HELZ: variants seen among roughly 807,000 people sequenced by gnomAD.
HELZ encodes helicase with zinc finger, also known as ATP-dependent RNA helicase with zinc finger domain.
HELZ carries 23 observed loss-of-function variants against 218.2 expected under a neutral mutation model. The observed-to-expected ratio is 0.11, with a 90% CI of 0.08 to 0.15. The LOEUF (loss-of-function observed/expected upper bound fraction) is 0.15, where lower values mean the gene tolerates loss of function less well. HELZ is among the 10% of genes least tolerant of loss of function. HELZ has a pLI of 1.00. For synonymous variants in HELZ, 814 were observed against 829.4 expected, an observed-to-expected ratio of 0.98 and a Z score of 0.32; for missense variants, 1,813 against 2,353.7, an observed-to-expected ratio of 0.77 and a Z score of 4.75.
At chr17:67,174,863 A>C (rs1418284898) in intron 13 of HELZ, among the ~76,000 whole-genome samples, 1 of 152,164 alleles carries the variant, frequency 6.6e-6, no homozygotes, top group Non-Finnish European at 1.5e-5. Context: ...GGACTCATAC[A>C]TTCTCGGGAC....
chr17:67,161,303 C>T (rs182569910), intron 15 of HELZ, among the ~76,000 whole-genome samples: 3 of 152,150 alleles, frequency 2.0e-5, no homozygotes, highest in East Asian at 1.9e-4. Flanking sequence ...TCCTACACTA[C>T]GTACAAAAAG....
chr17:67,118,116 C>G (rs2037485365), intron 27 of HELZ, among the ~76,000 whole-genome samples: 1 of 152,170 alleles, frequency 6.6e-6, no homozygotes, highest in South Asian at 2.1e-4. Flanking sequence ...ACTTACACTA[C>G]CTGACTTAAA....
intron 7 of HELZ, chr17:67,200,863 A>G (rs2040150227): frequency 8.0e-6 from 3 of 376,382 alleles, no homozygotes; most frequent in Admixed American, 4.1e-5. Context: ...TTTGTTGTCC[A>G]GAGACAGCTA....
At chr17:67,104,810 T>C (rs763433808) in intron 31 of HELZ, among the ~76,000 whole-genome samples, 1 of 151,950 alleles carries the variant, frequency 6.6e-6, no homozygotes, top group Non-Finnish European at 1.5e-5. Flanking sequence ...CATCAGTAAA[T>C]AGGGAAATGC....
At chr17:67,155,943 A>G (rs2144081187) in intron 17 of HELZ, among the ~76,000 whole-genome samples, 1 of 149,838 alleles carries the variant, frequency 6.7e-6, no homozygotes, top group East Asian at 1.9e-4. Context: ...TATATTATAC[A>G]TATATACACA....
chr17:67,180,886 A>C (rs1404456795), intron 12 of HELZ, among the ~76,000 whole-genome samples: 1 of 150,610 alleles, frequency 6.6e-6, no homozygotes, highest in Non-Finnish European at 1.5e-5. Context: ...TCAAAAAAAA[A>C]AAAAAAAAAA....
chr17:67,199,995 T>C (rs1026871889), intron 7 of HELZ, among the ~76,000 whole-genome samples: 1 of 152,174 alleles, frequency 6.6e-6, no homozygotes, highest in Non-Finnish European at 1.5e-5. Context: ...TCTCTGTGAA[T>C]TACACTTACA....
At chr17:67,165,940 T>C (rs987322981) in intron 15 of HELZ, among the ~76,000 whole-genome samples, 3 of 152,178 alleles carry the variant, frequency 2.0e-5, no homozygotes, top group African/African-American at 7.2e-5. Context: ...GAGACCAGCA[T>C]GGACAAGACA....
Position 67,084,519 on chromosome 17 carries a change from C to T in HELZ, c.5494+2310G>A, listed in dbSNP as rs113893581. Among the ~76,000 whole-genome samples the T allele has an allele frequency of 6.3e-3, 954 of 151,964 alleles. 9 individuals are homozygous for T. The highest frequency in any genetic ancestry group is 0.022 in the African/African-American group (909 of 41,484). On this transcript the variant is annotated intron_variant, in intron 32 of 32. Coordinates refer to ENST00000358691, the MANE Select transcript of HELZ (RefSeq NM_014877.4). ...CTACTAAAAAACACAAAAAATTAGC[C>T]GGGCGTGGTGGCGGGCGCCTGTAGT...
chr17:67,222,572 A>T (rs2040775803), intron 3 of HELZ, among the ~76,000 whole-genome samples: 1 of 152,150 alleles, frequency 6.6e-6, no homozygotes, highest in Admixed American at 6.5e-5. Context: ...AGTTTCCAAG[A>T]TCTACCTGAA....
intron 17 of HELZ, among the ~76,000 whole-genome samples, chr17:67,156,034 A>T (rs1165200784): frequency 6.7e-6 from 1 of 148,772 alleles, no homozygotes; most frequent in Non-Finnish European, 1.5e-5. Flanking sequence ...TATTATATTT[A>T]TAATTTAGAA....
Position 67,167,444 on chromosome 17 carries a change from C to A in HELZ, c.1764+19G>T. The stretch of plus-strand genomic sequence containing the variant: ...GAGGCTACAGACCACTATGGTTAAG[C>A]TGCAACCTTCAAACATACCTGTGTG... On this transcript the variant is annotated intron_variant, in intron 14 of 32. Coordinates refer to ENST00000358691, the MANE Select transcript of HELZ (RefSeq NM_014877.4). The A allele has an allele frequency of 4.5e-6, 7 of 1,566,656 alleles. No homozygotes were observed. Among genetic ancestry groups the A allele is most frequent in the Middle Eastern group, 3.4e-4 (2 of 5,942 alleles).
At chr17:67,219,721 G>A (rs563010121) in intron 3 of HELZ, among the ~76,000 whole-genome samples, 11 of 152,280 alleles carry the variant, frequency 7.2e-5, no homozygotes, top group South Asian at 2.1e-4. Context: ...TTTTAAATAC[G>A]GAAGGAATCT....
chr17:67,175,353 G>GCGTC (rs1278579542), intron 13 of HELZ, among the ~76,000 whole-genome samples: 2 of 152,090 alleles, frequency 1.3e-5, no homozygotes, highest in Non-Finnish European at 2.9e-5. Context: ...CTTAGTAGCT[G>GCGTC]CATAGACACC....
intron 3 of HELZ, among the ~76,000 whole-genome samples, chr17:67,220,850 C>CCT (rs1491524807): frequency 1.4e-5 from 1 of 70,582 alleles, no homozygotes; most frequent in Admixed American, 1.3e-4. Context: ...TAAGATAACT[C>CCT]CCCCCCCCCC....
intron 12 of HELZ, among the ~76,000 whole-genome samples, chr17:67,182,357 A>AT (rs1295200875): frequency 2.6e-5 from 4 of 152,190 alleles, no homozygotes; most frequent in Non-Finnish European, 4.4e-5. Flanking sequence ...AGGCAGGAGA[A>AT]TCGCTTGAAC....
intron 6 of HELZ, 83 bp downstream of exon 6, chr17:67,203,236 C>T (rs1426520837): frequency 7.2e-7 from 1 of 1,387,260 alleles, no homozygotes; most frequent in African/African-American, 1.5e-5. Flanking sequence ...AAAAAAGATA[C>T]ACTTTTTTTT....
chr17:67,165,382 C>T (rs898356280), intron 15 of HELZ, among the ~76,000 whole-genome samples: 4 of 152,078 alleles, frequency 2.6e-5, no homozygotes, highest in African/African-American at 9.7e-5. Flanking sequence ...AAGCTTCCCA[C>T]GTGACCCTCC....
At position 67,107,604 on chromosome 17, in the gene HELZ, T is replaced by C; in HGVS notation, c.4806A>G (p.Ser1602=). The change falls in exon 31 of 33, where the codon TCA becomes TCG. Residue 1602 remains serine, a synonymous_variant. Coordinates refer to ENST00000358691, the MANE Select transcript of HELZ (RefSeq NM_014877.4). ...RELAEMPPPQ[S]RLLQYRQVQS... ...GTACTTGTCTATATTGCAAAAGTCT[T>C]GATTGAGGTGGTGGCATTTCAGCTA... 6.2e-7 allele frequency: 1 copy of C among 1,614,130 alleles called. No homozygotes were observed.
Sources: gnomAD v4.1 joint callset for allele counts (sites outside exome capture counted in the v4.1 genomes callset) on GRCh38, gnomAD v4.1.1 for gene constraint, MANE v1.5 for transcripts, NCBI Gene and HGNC (gene_info 2026-07-23, HGNC 2026-07-21) for gene names.